The following SYT1 variants were observed in gnomAD, a reference collection of about 807,000 sequenced individuals.
SYT1 encodes synaptotagmin 1, also known as synaptotagmin-1.
Under a neutral mutation model 44.8 loss-of-function variants are expected in SYT1, and 8 were observed. The observed-to-expected ratio is 0.18, with a 90% CI of 0.10 to 0.32. SYT1 has a LOEUF of 0.32. SYT1 is among the 10% of genes least tolerant of loss of function. The pLI, the probability that SYT1 is intolerant of heterozygous loss-of-function variation, is 1.00. For synonymous variants in SYT1, 154 were observed against 188.8 expected (o/e 0.82, Z 1.51); for missense variants, 286 against 509.3 (o/e 0.56, Z 4.22).
chr12:79,380,355 C>T lies in SYT1; in HGVS notation c.928+26736C>T, dbSNP rs1206423755. Among the ~76,000 whole-genome samples, 4 of 152,218 alleles carry T rather than the reference C, an allele frequency of 2.6e-5. 1 individual carries two copies. In the South Asian group the frequency reaches 6.2e-4, roughly 24 times the overall value. On this transcript the variant is annotated intron_variant, in intron 9 of 10. Transcript: ENST00000261205. The stretch of plus-strand genomic sequence containing the variant: ...TTCATTGCCATTTATACCTTATTCA[C>T]AATCAGCAAATCTGGCTGTGCCTGG...
intron 1 of SYT1, among the ~76,000 whole-genome samples, chr12:78,959,415 A>G (rs1879386181): frequency 6.6e-6 from 1 of 152,158 alleles, no homozygotes; most frequent in Non-Finnish European, 1.5e-5. Flanking sequence ...TCTTATTTTA[A>G]AATTTGTAAT....
intron 1 of SYT1, among the ~76,000 whole-genome samples, chr12:78,898,347 C>A (rs568931878): frequency 6.6e-6 from 1 of 152,122 alleles, no homozygotes; most frequent in South Asian, 2.1e-4. Flanking sequence ...CAAAACTATT[C>A]TGTCAATTTG....
At chr12:78,935,621 A>AAAAAT (rs1878009479) in intron 1 of SYT1, among the ~76,000 whole-genome samples, 1 of 152,140 alleles carries the variant, frequency 6.6e-6, no homozygotes, top group African/African-American at 2.4e-5. Flanking sequence ...AGAACTAAGA[A>AAAAAT]AAAATAAAAT....
At chr12:78,972,156 T>C (rs2137393546) in intron 1 of SYT1, among the ~76,000 whole-genome samples, 1 of 152,202 alleles carries the variant, frequency 6.6e-6, no homozygotes, top group East Asian at 1.9e-4. Context: ...TTCTCCCCCA[T>C]TTGCTGCCTT....
chr12:79,365,729 A>T (rs547508212), intron 9 of SYT1, among the ~76,000 whole-genome samples: 4 of 152,042 alleles, frequency 2.6e-5, no homozygotes, highest in African/African-American at 9.6e-5. Context: ...GTCATTATGC[A>T]TCTAAATAAG....
At chr12:79,314,751 C>T (rs1880999238) in intron 8 of SYT1, among the ~76,000 whole-genome samples, 2 of 151,398 alleles carry the variant, frequency 1.3e-5, no homozygotes, top group Admixed American at 1.3e-4. Flanking sequence ...GTATACACAC[C>T]AAAAAAAATG....
chr12:79,264,356 T>A (rs1878008982), intron 4 of SYT1, among the ~76,000 whole-genome samples: 2 of 152,244 alleles, frequency 1.3e-5, no homozygotes, highest in Admixed American at 6.5e-5. Flanking sequence ...ATTTTTTGTA[T>A]TTTTAGCAGA....
chr12:78,977,256 A>G (rs1868914074), intron 1 of SYT1, among the ~76,000 whole-genome samples: 1 of 152,172 alleles, frequency 6.6e-6, no homozygotes. Flanking sequence ...GTAAATAGCA[A>G]TGTCTTTCCT....
chr12:79,127,549 C>T (rs1228674899), intron 3 of SYT1, among the ~76,000 whole-genome samples: 1 of 151,556 alleles, frequency 6.6e-6, no homozygotes. Context: ...AATGATAGTA[C>T]CTAGCTCAGA....
rs534601187 is a variant in SYT1, at chr12:79,046,629, A to G, written c.-83-668A>G. On this transcript the variant is annotated intron_variant, in intron 2 of 10. Transcript: ENST00000261205. ...TTATCTTTTTTATGCAATGACGTGCAATCATTTTTCTCTTAATTCCTGATG... is the reference window on the plus strand; with the variant it reads ...TTATCTTTTTTATGCAATGACGTGCGATCATTTTTCTCTTAATTCCTGATG... Among the ~76,000 whole-genome samples the G allele has an allele frequency of 5.3e-5, 8 of 152,174 alleles. No homozygotes were observed. The South Asian group carries it at 1.5e-3, about 28-fold the overall frequency.
At chr12:79,274,889 A>C (rs931870401) in intron 4 of SYT1, among the ~76,000 whole-genome samples, 1 of 152,200 alleles carries the variant, frequency 6.6e-6, no homozygotes, top group Non-Finnish European at 1.5e-5. Flanking sequence ...AACCAAGGAA[A>C]TCTTAGAGAG....
At chr12:79,098,291 C>A (rs2138037108) in intron 3 of SYT1, among the ~76,000 whole-genome samples, 1 of 152,032 alleles carries the variant, frequency 6.6e-6, no homozygotes, top group African/African-American at 2.4e-5. Flanking sequence ...AGAAAGTGGC[C>A]CCTAATAATT....
intron 3 of SYT1, among the ~76,000 whole-genome samples, chr12:79,098,705 C>A (rs73355511): frequency 6.6e-6 from 1 of 152,070 alleles, no homozygotes; most frequent in Non-Finnish European, 1.5e-5. Context: ...ACATGTTGTA[C>A]CCTGCTGTGG....
chr12:78,943,389 G>T (rs1878488755), intron 1 of SYT1, among the ~76,000 whole-genome samples: 1 of 152,154 alleles, frequency 6.6e-6, no homozygotes, highest in African/African-American at 2.4e-5. Context: ...AGGGGAGCAG[G>T]CACCTCACAT....
At chr12:78,938,278 C>T (rs1026566960) in intron 1 of SYT1, among the ~76,000 whole-genome samples, 3 of 152,160 alleles carry the variant, frequency 2.0e-5, no homozygotes, top group East Asian at 1.9e-4. Context: ...CAGCCATCAG[C>T]GAGTAAGTCC....
At chr12:79,027,266 T>C (rs1048633342) in intron 2 of SYT1, among the ~76,000 whole-genome samples, 3 of 151,466 alleles carry the variant, frequency 2.0e-5, no homozygotes, top group African/African-American at 7.3e-5. Context: ...CTACTTTAAA[T>C]AGGCTCTCCT....
chr12:78,963,630 TA>T (rs1879626699), intron 1 of SYT1, among the ~76,000 whole-genome samples: 1 of 152,004 alleles, frequency 6.6e-6, no homozygotes, highest in African/African-American at 2.4e-5. Context: ...TCACACCTGT[TA>T]GGATGGCCAC....
intron 9 of SYT1, among the ~76,000 whole-genome samples, chr12:79,426,743 G>C (rs746717215): frequency 6.6e-6 from 1 of 152,134 alleles, no homozygotes; most frequent in East Asian, 1.9e-4. Context: ...TTTTTAAAAG[G>C]TTTCTAATTA....
chr12:79,079,968 T>A (rs1876916424), intron 3 of SYT1, among the ~76,000 whole-genome samples: 1 of 152,068 alleles, frequency 6.6e-6, no homozygotes, highest in African/African-American at 2.4e-5. Flanking sequence ...AATTCAAATT[T>A]AAGATTGAAT....
Sources: gnomAD v4.1 joint callset for allele counts (sites outside exome capture counted in the v4.1 genomes callset) on GRCh38, gnomAD v4.1.1 for gene constraint, MANE v1.5 for transcripts, NCBI Gene and HGNC (gene_info 2026-07-23, HGNC 2026-07-21) for gene names.